Variants in KCNMA1 observed in about 807,000 individuals in gnomAD.
KCNMA1 encodes the protein potassium calcium-activated channel subfamily M alpha 1, also known as Calcium-activated potassium channel subunit alpha-1.
KCNMA1 carries 29 observed loss-of-function variants against 140.0 expected under a neutral mutation model. That is an observed-to-expected ratio of 0.21 (90% CI 0.15 to 0.28). KCNMA1 has a LOEUF of 0.28. KCNMA1 is among the 10% of genes least tolerant of loss of function. The pLI, the probability that KCNMA1 is intolerant of heterozygous loss-of-function variation, is 1.00. For missense variants in KCNMA1, 880 were observed against 1,602.2 expected, an observed-to-expected ratio of 0.55 and a Z score of 7.70; for synonymous variants, 612 against 611.9, an observed-to-expected ratio of 1.00 and a Z score of 0.00.
intron 3 of KCNMA1, among the ~76,000 whole-genome samples, chr10:77,231,954 C>A (rs866755769): frequency 8.5e-5 from 13 of 152,338 alleles, no homozygotes; most frequent in Admixed American, 4.6e-4. Context: ...AATCTCCCCA[C>A]AAGCAAGGAG....
At chr10:77,598,794 C>G (rs2081732030) in intron 1 of KCNMA1, among the ~76,000 whole-genome samples, 2 of 152,314 alleles carry the variant, frequency 1.3e-5, no homozygotes, top group Middle Eastern at 6.8e-3. Context: ...CTGGGAAGGT[C>G]AGGCTGTGGC....
intron 1 of KCNMA1, among the ~76,000 whole-genome samples, chr10:77,525,350 A>G (rs2055176263): frequency 6.6e-6 from 1 of 152,246 alleles, no homozygotes; most frequent in African/African-American, 2.4e-5. Flanking sequence ...GTTCTCTTCC[A>G]GATGCCTTGA....
At chr10:77,467,592 C>G (rs1367444079) in intron 1 of KCNMA1, among the ~76,000 whole-genome samples, 1 of 152,222 alleles carries the variant, frequency 6.6e-6, no homozygotes, top group African/African-American at 2.4e-5. Context: ...AAGGCCATAG[C>G]CTTTTCCACC....
At chr10:77,165,786 T>C (rs1206879765) in intron 5 of KCNMA1, among the ~76,000 whole-genome samples, 1 of 152,230 alleles carries the variant, frequency 6.6e-6, no homozygotes, top group Non-Finnish European at 1.5e-5. Flanking sequence ...TTTGGACCCT[T>C]TGGGAGTCTT....
chr10:77,176,878 A>G (rs779471379), intron 5 of KCNMA1, among the ~76,000 whole-genome samples: 2 of 152,206 alleles, frequency 1.3e-5, no homozygotes, highest in African/African-American at 2.4e-5. Flanking sequence ...GGTTGCTGAT[A>G]GGCTGACCTG....
chr10:76,983,439 T>G (rs1253727072), intron 19 of KCNMA1, among the ~76,000 whole-genome samples: 2 of 152,070 alleles, frequency 1.3e-5, no homozygotes, highest in African/African-American at 2.4e-5. Flanking sequence ...AGGTAGAAAT[T>G]TAATAATGAA....
intron 2 of KCNMA1, among the ~76,000 whole-genome samples, chr10:77,342,418 T>C (rs1378295085): frequency 1.3e-5 from 2 of 152,240 alleles, no homozygotes; most frequent in Non-Finnish European, 2.9e-5. Context: ...TTCAGTCATT[T>C]GCCCAAGGCC....
intron 2 of KCNMA1, among the ~76,000 whole-genome samples, chr10:77,284,723 A>G (rs1038298555): frequency 1.3e-5 from 2 of 152,248 alleles, no homozygotes; most frequent in South Asian, 4.2e-4. Context: ...CACATTGGCC[A>G]GGCTGGTCGT....
intron 2 of KCNMA1, among the ~76,000 whole-genome samples, chr10:77,396,617 CT>C (rs2096064534): frequency 6.6e-6 from 1 of 152,146 alleles, no homozygotes; most frequent in African/African-American, 2.4e-5. Flanking sequence ...CACATATTTT[CT>C]TTTGGGCCCT....
At chr10:77,299,969 C>T (rs1780810062) in intron 2 of KCNMA1, among the ~76,000 whole-genome samples, 1 of 152,188 alleles carries the variant, frequency 6.6e-6, no homozygotes, top group Non-Finnish European at 1.5e-5. Flanking sequence ...GAGGCTGTGT[C>T]CACTGTTCAG....
intron 5 of KCNMA1, among the ~76,000 whole-genome samples, chr10:77,163,823 G>A (rs4622198): frequency 2.4e-4 from 36 of 152,096 alleles, no homozygotes; most frequent in African/African-American, 8.4e-4. Flanking sequence ...TTCATTCTCA[G>A]TTGGGTTTCC....
intron 1 of KCNMA1, among the ~76,000 whole-genome samples, chr10:77,577,222 T>C (rs1739792546): frequency 6.6e-6 from 1 of 152,056 alleles, no homozygotes; most frequent in African/African-American, 2.4e-5. Context: ...AATTTTTTTG[T>C]ATTTTTAGTA....
intron 23 of KCNMA1, among the ~76,000 whole-genome samples, chr10:76,934,797 T>A (rs1395043169): frequency 6.6e-6 from 1 of 152,214 alleles, no homozygotes; most frequent in African/African-American, 2.4e-5. Context: ...TTCCCCACTA[T>A]AAGACAATTT....
At chr10:77,269,377 C>G (rs566967458) in intron 2 of KCNMA1, among the ~76,000 whole-genome samples, 1 of 152,168 alleles carries the variant, frequency 6.6e-6, no homozygotes, top group African/African-American at 2.4e-5. Context: ...GTCTGATGAA[C>G]AGCTTAGAAC....
intron 1 of KCNMA1, among the ~76,000 whole-genome samples, chr10:77,480,626 C>A (rs1410424159): frequency 6.6e-6 from 1 of 152,190 alleles, no homozygotes; most frequent in Non-Finnish European, 1.5e-5. Context: ...CATTTGGAGA[C>A]CAGGCTATGG....
chr10:76,912,328 T>C (rs1287363588), intron 24 of KCNMA1: 1 of 152,210 alleles, frequency 6.6e-6, no homozygotes, highest in Non-Finnish European at 1.5e-5. Flanking sequence ...TCCAAGTAGA[T>C]GAAAAGTGGA....
chr10:77,632,986 G>C (rs952343098), intron 1 of KCNMA1, among the ~76,000 whole-genome samples: 8 of 152,226 alleles, frequency 5.3e-5, no homozygotes, highest in African/African-American at 1.9e-4. Flanking sequence ...GGGTTTGCCT[G>C]ATTGCAGAGT....
chr10:77,180,098 C>T (rs2098791199), intron 5 of KCNMA1, among the ~76,000 whole-genome samples: 2 of 152,180 alleles, frequency 1.3e-5, no homozygotes, highest in South Asian at 4.1e-4. Context: ...AGTCCTGTAC[C>T]CTCAGCAGGG....
At chr10:76,929,011 G>A (rs2152657320) in intron 23 of KCNMA1, among the ~76,000 whole-genome samples, 1 of 152,274 alleles carries the variant, frequency 6.6e-6, no homozygotes, top group Middle Eastern at 3.4e-3. Flanking sequence ...ATAAGATAGA[G>A]ACAATTGCTT....
Sources: gnomAD v4.1 joint callset for allele counts (sites outside exome capture counted in the v4.1 genomes callset) on GRCh38, gnomAD v4.1.1 for gene constraint, MANE v1.5 for transcripts, NCBI Gene and HGNC (gene_info 2026-07-23, HGNC 2026-07-21) for gene names.